SMYD3: variants seen among roughly 807,000 people sequenced by gnomAD.
SMYD3 encodes SET and MYND domain containing 3.
Under a neutral mutation model 57.7 loss-of-function variants are expected in SMYD3, and 36 were observed. That is an observed-to-expected ratio of 0.62 (90% CI 0.48 to 0.82). The LOEUF (loss-of-function observed/expected upper bound fraction) is 0.82, where lower values mean the gene tolerates loss of function less well. SMYD3 is among the 40% of genes least tolerant of loss of function. The probability of loss-of-function intolerance (pLI) is 0.00; values close to 1 mark genes in which losing one functional copy is unlikely to be tolerated. For missense variants in SMYD3, 515 were observed against 538.8 expected (o/e 0.96, Z 0.44); for synonymous variants, 211 against 195.0 (o/e 1.08, Z -0.68).
chr1:246,137,264 G>A lies in SMYD3; in HGVS notation c.531+189937C>T, dbSNP rs781121405. On this transcript the variant is annotated intron_variant, in intron 5 of 11. Transcript: ENST00000490107. ...ACTCTGGACCTATTAGTGGTTACTC[G>A]CCATTTCTCCTCACCTGAGTCCATG... is the stretch of plus-strand genomic sequence containing the variant. Among the ~76,000 whole-genome samples the A allele has an allele frequency of 2.8e-4, 42 of 152,106 alleles. 1 individual carries two copies. Among genetic ancestry groups the A allele is most frequent in the Middle Eastern group, 3.4e-3 (1 of 294 alleles).
At chr1:245,799,565 T>G (rs1235225753) in intron 10 of SMYD3, among the ~76,000 whole-genome samples, 3 of 152,236 alleles carry the variant, frequency 2.0e-5, no homozygotes. Flanking sequence ...CTAGGCAATG[T>G]GTGAGTTTAT....
chr1:246,272,840 G>C (rs936875401), intron 5 of SMYD3, among the ~76,000 whole-genome samples: 7 of 152,104 alleles, frequency 4.6e-5, no homozygotes, highest in Non-Finnish European at 7.4e-5. Context: ...TCAATACTTT[G>C]GAAAAGTTTG....
chr1:245,845,119 T>A (rs961488907), intron 10 of SMYD3, among the ~76,000 whole-genome samples: 2 of 152,196 alleles, frequency 1.3e-5, no homozygotes, highest in Non-Finnish European at 2.9e-5. Context: ...CCCTTCCATA[T>A]TTGATATACA....
intron 5 of SMYD3, among the ~76,000 whole-genome samples, chr1:246,040,680 A>G (rs907132852): frequency 1.4e-4 from 21 of 152,188 alleles, no homozygotes; most frequent in Admixed American, 1.0e-3. Flanking sequence ...GGGCTCCCGT[A>G]TCTCCTTTCA....
intron 1 of SMYD3, among the ~76,000 whole-genome samples, chr1:246,386,568 G>A (rs549908674): frequency 6.6e-6 from 1 of 152,000 alleles, no homozygotes; most frequent in African/African-American, 2.4e-5. Flanking sequence ...GTGGCAGGAA[G>A]ATTGCTTGAG....
At chr1:245,864,526 T>C (rs1184891755) in intron 8 of SMYD3, among the ~76,000 whole-genome samples, 1 of 152,136 alleles carries the variant, frequency 6.6e-6, no homozygotes, top group Non-Finnish European at 1.5e-5. Flanking sequence ...AAAGACCACA[T>C]GTATGATTCC....
intron 9 of SMYD3, among the ~76,000 whole-genome samples, chr1:245,863,009 C>A (rs1396169854): frequency 6.6e-6 from 1 of 152,212 alleles, no homozygotes; most frequent in Non-Finnish European, 1.5e-5. Context: ...CTTTAAATAG[C>A]ATCGTCAGCA....
At chr1:246,463,798 T>A (rs1353223382) in intron 1 of SMYD3, among the ~76,000 whole-genome samples, 5 of 119,586 alleles carry the variant, frequency 4.2e-5, no homozygotes, top group Non-Finnish European at 6.4e-5. Context: ...ATCGCACCAC[T>A]GCACTCCAGC....
At chr1:246,102,296 A>G (rs2061029024) in intron 5 of SMYD3, among the ~76,000 whole-genome samples, 1 of 152,132 alleles carries the variant, frequency 6.6e-6, no homozygotes, top group Admixed American at 6.5e-5. Context: ...TTGCTGCTCT[A>G]GTTCAGATTC....
At chr1:245,782,885 C>T (rs983779246) in intron 10 of SMYD3, among the ~76,000 whole-genome samples, 1 of 152,198 alleles carries the variant, frequency 6.6e-6, no homozygotes, top group African/African-American at 2.4e-5. Flanking sequence ...TAGTGAAACG[C>T]TATGAGGGTA....
intron 5 of SMYD3, among the ~76,000 whole-genome samples, chr1:245,937,159 A>G (rs1268912248): frequency 1.3e-5 from 2 of 152,346 alleles, no homozygotes; most frequent in South Asian, 4.1e-4. Context: ...TCTGGCCACA[A>G]ATAAGTCTGC....
chr1:246,411,625 C>T (rs1002712800), intron 1 of SMYD3, among the ~76,000 whole-genome samples: 44 of 152,058 alleles, frequency 2.9e-4, no homozygotes, highest in Non-Finnish European at 5.7e-4. Context: ...CACATATACA[C>T]CATGGAATAC....
intron 10 of SMYD3, among the ~76,000 whole-genome samples, chr1:245,792,826 C>T (rs549058111): frequency 1.4e-4 from 22 of 152,198 alleles, no homozygotes; most frequent in Non-Finnish European, 2.5e-4. Context: ...TCAAAGACAA[C>T]GAAGTCTCCT....
intron 1 of SMYD3, among the ~76,000 whole-genome samples, chr1:246,426,882 CCT>C (rs1415362273): frequency 6.6e-6 from 1 of 151,824 alleles, no homozygotes; most frequent in Non-Finnish European, 1.5e-5. Flanking sequence ...TAATGTCTGC[CCT>C]CTCTACTTTA....
At chr1:246,480,901 C>T (rs61839821) in intron 1 of SMYD3, among the ~76,000 whole-genome samples, 21,869 of 151,974 alleles carry the variant, frequency 0.14, 2,003 homozygotes, top group Middle Eastern at 0.24. Flanking sequence ...CAGGTTCAAG[C>T]GATTCTCCTG....
chr1:246,401,191 G>A (rs2066761939), intron 1 of SMYD3, among the ~76,000 whole-genome samples: 1 of 152,070 alleles, frequency 6.6e-6, no homozygotes, highest in African/African-American at 2.4e-5. Flanking sequence ...AAAAGCTGAT[G>A]ATATTAAACT....
At chr1:246,354,736 A>T (rs2065884563) in intron 2 of SMYD3, among the ~76,000 whole-genome samples, 1 of 152,122 alleles carries the variant, frequency 6.6e-6, no homozygotes, top group Non-Finnish European at 1.5e-5. Flanking sequence ...CTTAACAGTG[A>T]TTGCCTGTGG....
chr1:246,309,287 T>C (rs1349553722), intron 5 of SMYD3, among the ~76,000 whole-genome samples: 1 of 152,076 alleles, frequency 6.6e-6, no homozygotes, highest in East Asian at 1.9e-4. Flanking sequence ...ATGCCATGGA[T>C]GGGAAAACAG....
chr1:246,431,801 G>A (rs1260251195), intron 1 of SMYD3, among the ~76,000 whole-genome samples: 2 of 152,078 alleles, frequency 1.3e-5, no homozygotes, highest in Admixed American at 6.6e-5. Context: ...CTCCATTTCT[G>A]CAACAATCTG....
Sources: gnomAD v4.1 joint callset for allele counts (sites outside exome capture counted in the v4.1 genomes callset) on GRCh38, gnomAD v4.1.1 for gene constraint, MANE v1.5 for transcripts, NCBI Gene and HGNC (gene_info 2026-07-23, HGNC 2026-07-21) for gene names.